The following FAM20B variants were observed in gnomAD, a reference collection of about 807,000 sequenced individuals.
FAM20B encodes the protein glycosaminoglycan xylosylkinase.
FAM20B carries 23 observed loss-of-function variants against 43.8 expected under a neutral mutation model. That is an observed-to-expected ratio of 0.53 (90% CI 0.38 to 0.74). The LOEUF (loss-of-function observed/expected upper bound fraction) is 0.74. FAM20B is among the 30% of genes least tolerant of loss of function. The pLI is 0.00. For missense variants in FAM20B, 440 were observed against 510.5 expected (o/e 0.86, Z 1.33); for synonymous variants, 178 against 192.4 (o/e 0.93, Z 0.62).
the FAM20B span, among the ~76,000 whole-genome samples, chr1:179,019,863 T>C: frequency 6.6e-6 from 1 of 152,172 alleles, no homozygotes; most frequent in African/African-American, 2.4e-5. Flanking sequence ...CACACTCCCT[T>C]CAGTGGTCCC....
At chr1:179,069,817 C>T (rs1165946061) in intron 7 of FAM20B, among the ~76,000 whole-genome samples, 1 of 152,158 alleles carries the variant, frequency 6.6e-6, no homozygotes, top group Non-Finnish European at 1.5e-5. Flanking sequence ...CTGTTTGTCC[C>T]TTCCATGCAT....
chr1:179,061,017 G>A (rs1052109902), intron 4 of FAM20B, among the ~76,000 whole-genome samples: 7 of 151,386 alleles, frequency 4.6e-5, no homozygotes, highest in African/African-American at 1.7e-4. Flanking sequence ...TGACGTATAG[G>A]AGTTCATCCC....
chr1:179,054,510 C>A lies in FAM20B; in HGVS notation c.465-19C>A, dbSNP rs766637853. On this transcript the variant is annotated intron_variant, in intron 3 of 7. Transcript: ENST00000263733. ...TCCCCTAAGATTTTTCTCTTCTGTT[C>A]TTCAATCTTCCAAACCAGGATTCTG... 3.9e-6 allele frequency: 6 copies of A among 1,522,430 alleles called. No individual in the cohort carries two copies. The highest frequency in any genetic ancestry group is 5.5e-6 in the Non-Finnish European group (6 of 1,098,728). 94.3% of individuals were successfully genotyped at this position (1,522,430 alleles called of 1,614,324 possible).
chr1:179,040,159 G>A (rs1442583929), intron 1 of FAM20B, among the ~76,000 whole-genome samples: 2 of 152,198 alleles, frequency 1.3e-5, no homozygotes, highest in Non-Finnish European at 2.9e-5. Context: ...GCAACCATCC[G>A]ACTCCTCAAT....
At chr1:179,044,293 T>A in intron 2 of FAM20B, 69 bp downstream of exon 2, 1 of 1,499,948 alleles carries the variant, frequency 6.7e-7, no homozygotes, top group African/African-American at 1.4e-5. Context: ...TTATATAAGA[T>A]TTATTTTGTC....
chr1:179,028,311 C>T (rs973917103), intron 1 of FAM20B, among the ~76,000 whole-genome samples: 3 of 152,182 alleles, frequency 2.0e-5, no homozygotes, highest in African/African-American at 7.2e-5. Context: ...TGGTCGGGCG[C>T]GGTGGCTTAT....
At chr1:179,035,194 A>G (rs529097282) in intron 1 of FAM20B, 123 of 410,268 alleles carry the variant, frequency 3.0e-4, no homozygotes, top group East Asian at 1.3e-3. Flanking sequence ...CCACACCAAC[A>G]TGCTTTTCTG....
At chr1:179,048,086 G>C in intron 2 of FAM20B, among the ~76,000 whole-genome samples, 1 of 151,982 alleles carries the variant, frequency 6.6e-6, no homozygotes, top group South Asian at 2.1e-4. Context: ...TATAAGTAAA[G>C]GTGATTTTTT....
At chr1:179,063,208 C>T (rs1286442853) in intron 4 of FAM20B, among the ~76,000 whole-genome samples, 4 of 152,112 alleles carry the variant, frequency 2.6e-5, no homozygotes, top group African/African-American at 9.6e-5. Flanking sequence ...ACCTGGGAGG[C>T]AGAGGTTGCA....
chr1:179,076,309 G>C lies in FAM20B; in HGVS notation c.*4165G>C, dbSNP rs889645470. On this transcript the variant is annotated 3_prime_UTR_variant, in exon 8 of 8. Coordinates refer to ENST00000263733, the MANE Select transcript of FAM20B (RefSeq NM_014864.4). ...CTACCACAGGTTTTTAGGAACTAAG[G>C]TGTTTCTCATAAACACAAAATGTTG... 1 of 152,122 alleles carries C rather than the reference G, an allele frequency of 6.6e-6. No individual in the cohort carries two copies. The highest frequency in any genetic ancestry group is 1.5e-5 in the Non-Finnish European group (1 of 68,020). 9.4% of individuals were successfully genotyped at this position (152,122 alleles called of 1,614,324 possible).
intron 1 of FAM20B, among the ~76,000 whole-genome samples, chr1:179,037,170 A>G (rs997814840): frequency 6.6e-6 from 1 of 152,184 alleles, no homozygotes; most frequent in Non-Finnish European, 1.5e-5. Context: ...TGCATTATCT[A>G]GGCTGGATTG....
chr1:179,041,420 G>A (rs372581588), intron 1 of FAM20B, among the ~76,000 whole-genome samples: 2 of 152,106 alleles, frequency 1.3e-5, no homozygotes, highest in African/African-American at 2.4e-5. Flanking sequence ...TCTGGAGGCC[G>A]AGGCTGGCGG....
At chr1:179,071,792 A>G in intron 7 of FAM20B, 121 bp from the exon 8 acceptor site, 1 of 712,022 alleles carries the variant, frequency 1.4e-6, no homozygotes, top group Middle Eastern at 2.5e-4. Flanking sequence ...TCTAAAGCAA[A>G]AATTATTTAG....
intron 6 of FAM20B, among the ~76,000 whole-genome samples, chr1:179,065,657 A>G (rs1365823615): frequency 6.6e-6 from 1 of 152,130 alleles, no homozygotes; most frequent in African/African-American, 2.4e-5. Context: ...AAAATGAAAA[A>G]CCAGCAAACA....
In FAM20B at chr1:179,075,536, A is replaced by G. The variant is rs570647623; in HGVS notation, c.*3392A>G. 6 of 152,778 alleles carry G rather than the reference A, an allele frequency of 3.9e-5. No individual in the cohort carries two copies. The South Asian group carries it at 1.2e-3, about 32-fold the overall frequency. 9.5% of individuals were successfully genotyped at this position (152,778 alleles called of 1,614,324 possible). A position where few individuals can be genotyped will look rare whatever the true frequency, so the allele number is the denominator to read the frequency against. On this transcript the variant is annotated 3_prime_UTR_variant, in exon 8 of 8. Transcript: ENST00000263733. The stretch of plus-strand genomic sequence containing the variant: ...GGGAAATGTAAATAATTTTCTGTGT[A>G]AAACAAATTCATAGGATCTGATTTG...
chr1:179,038,405 G>A, intron 1 of FAM20B, among the ~76,000 whole-genome samples: 1 of 116,198 alleles, frequency 8.6e-6, no homozygotes, highest in South Asian at 2.7e-4. Flanking sequence ...AAGCGAAACT[G>A]CATCTCAAAA....
intron 2 of FAM20B, among the ~76,000 whole-genome samples, chr1:179,046,156 A>G (rs1650764156): frequency 6.6e-6 from 1 of 152,194 alleles, no homozygotes; most frequent in Non-Finnish European, 1.5e-5. Context: ...CATATTTGTT[A>G]GAGTTGTAAA....
intron 1 of FAM20B, among the ~76,000 whole-genome samples, chr1:179,041,482 C>T (rs965071834): frequency 5.3e-4 from 80 of 152,148 alleles, no homozygotes; most frequent in African/African-American, 1.9e-3. Flanking sequence ...GGCAAAACCC[C>T]GTCTCCACCA....
chr1:179,018,954 G>C, the FAM20B span, among the ~76,000 whole-genome samples: 1 of 152,202 alleles, frequency 6.6e-6, no homozygotes, highest in Non-Finnish European at 1.5e-5. Context: ...AGATCTGAAG[G>C]CCTGAGAAGC....
Sources: gnomAD v4.1 joint callset for allele counts (sites outside exome capture counted in the v4.1 genomes callset) on GRCh38, gnomAD v4.1.1 for gene constraint, MANE v1.5 for transcripts, NCBI Gene and HGNC (gene_info 2026-07-23, HGNC 2026-07-21) for gene names.